SPOCK3: variants seen among roughly 807,000 people sequenced by gnomAD.
SPOCK3 encodes SPARC (osteonectin), cwcv and kazal like domains proteoglycan 3.
SPOCK3 carries 30 observed loss-of-function variants against 56.6 expected under a neutral mutation model. That is an observed-to-expected ratio of 0.53 (90% CI 0.40 to 0.72). The LOEUF is 0.72. Ranked by LOEUF, SPOCK3 falls within the 30% of genes least tolerant of loss-of-function variation. SPOCK3 has a pLI of 0.00. For missense variants in SPOCK3, 527 were observed against 530.0 expected, an observed-to-expected ratio of 0.99 and a Z score of 0.06; for synonymous variants, 196 against 183.3, an observed-to-expected ratio of 1.07 and a Z score of -0.56.
intron 4 of SPOCK3, among the ~76,000 whole-genome samples, chr4:166,948,273 G>A (rs1742038034): frequency 6.6e-6 from 1 of 152,156 alleles, no homozygotes; most frequent in South Asian, 2.1e-4. Flanking sequence ...TGAACACCTA[G>A]ATTGATTCCA....
intron 5 of SPOCK3, among the ~76,000 whole-genome samples, chr4:166,911,045 TG>T (rs1265733396): frequency 1.3e-5 from 2 of 152,294 alleles, no homozygotes; most frequent in Non-Finnish European, 2.9e-5. Flanking sequence ...TCCCTTGTAC[TG>T]GCAACAGGAA....
chr4:167,036,988 T>C (rs1195441539), intron 3 of SPOCK3, among the ~76,000 whole-genome samples: 2 of 152,170 alleles, frequency 1.3e-5, no homozygotes, highest in African/African-American at 4.8e-5. Flanking sequence ...GCCTGAAAGA[T>C]CTTGACCATT....
intron 5 of SPOCK3, among the ~76,000 whole-genome samples, chr4:166,909,158 T>A (rs1366932265): frequency 6.6e-6 from 1 of 152,116 alleles, no homozygotes; most frequent in East Asian, 1.9e-4. Flanking sequence ...TAGTTCCTCA[T>A]CTATTCATTT....
intron 2 of SPOCK3, among the ~76,000 whole-genome samples, chr4:167,205,487 AT>A: frequency 1.8e-5 from 1 of 55,830 alleles, no homozygotes; most frequent in Non-Finnish European, 3.0e-5. Flanking sequence ...TATATAATAT[AT>A]AATATATAAT....
intron 3 of SPOCK3, among the ~76,000 whole-genome samples, chr4:167,058,637 T>C (rs1236193129): frequency 6.6e-6 from 1 of 151,996 alleles, no homozygotes. Context: ...CTTCACAGAA[T>C]TGGAAAAAAC....
At chr4:167,039,875 A>G (rs1753100660) in intron 3 of SPOCK3, among the ~76,000 whole-genome samples, 1 of 152,230 alleles carries the variant, frequency 6.6e-6, no homozygotes, top group Admixed American at 6.5e-5. Flanking sequence ...AGCCTAAATG[A>G]CAGCTTGAAT....
chr4:167,061,327 T>G (rs1433445297), intron 3 of SPOCK3, among the ~76,000 whole-genome samples: 1 of 152,016 alleles, frequency 6.6e-6, no homozygotes, highest in Non-Finnish European at 1.5e-5. Context: ...TTGCCTGTGT[T>G]TTAGAGCATT....
intron 2 of SPOCK3, among the ~76,000 whole-genome samples, chr4:167,159,959 C>T (rs1003388781): frequency 7.2e-5 from 11 of 152,108 alleles, no homozygotes; most frequent in Non-Finnish European, 1.5e-4. Flanking sequence ...AAACTGGAAG[C>T]ATTCCCTTTG....
intron 2 of SPOCK3, among the ~76,000 whole-genome samples, chr4:167,157,485 T>G (rs1280552388): frequency 6.6e-6 from 1 of 151,820 alleles, no homozygotes; most frequent in Non-Finnish European, 1.5e-5. Context: ...TGTAGATTGA[T>G]CAACAGAAAA....
intron 2 of SPOCK3, among the ~76,000 whole-genome samples, chr4:167,083,459 T>C (rs1034719636): frequency 6.6e-6 from 1 of 152,268 alleles, no homozygotes. Flanking sequence ...ATCTACAATA[T>C]AGCTGAGTGT....
At chr4:167,198,620 G>A (rs1733200307) in intron 2 of SPOCK3, among the ~76,000 whole-genome samples, 1 of 152,066 alleles carries the variant, frequency 6.6e-6, no homozygotes, top group Non-Finnish European at 1.5e-5. Flanking sequence ...ATACTTTTTT[G>A]TTAGTTTTTA....
intron 2 of SPOCK3, among the ~76,000 whole-genome samples, chr4:167,223,554 C>T (rs1736284589): frequency 6.6e-6 from 1 of 151,794 alleles, no homozygotes; most frequent in Admixed American, 6.6e-5. Flanking sequence ...CTGGAGAGAG[C>T]CCTGACTGAT....
In SPOCK3 at chr4:167,039,390, G is replaced by T. The variant is rs182135986; in HGVS notation, c.235+23102C>A. 1.4e-3 allele frequency among the ~76,000 whole-genome samples: 206 copies of T among 152,156 alleles called. 2 individuals carry two copies. In the South Asian group the frequency reaches 0.021, roughly 16 times the overall value. ...GGGACATAACTCCATCCACAACACT[G>T]ATCTTACCTTACTTCATAGGTGACA... On this transcript the variant is annotated intron_variant, in intron 3 of 10. Coordinates refer to ENST00000357545, the MANE Select transcript of SPOCK3 (RefSeq NM_001040159.2).
At chr4:167,091,784 A>G (rs1243784699) in intron 2 of SPOCK3, among the ~76,000 whole-genome samples, 1 of 152,124 alleles carries the variant, frequency 6.6e-6, no homozygotes, top group African/African-American at 2.4e-5. Context: ...CCCTCTACTC[A>G]CTTTCTAAAT....
chr4:166,975,779 T>C (rs1424288107), intron 4 of SPOCK3, among the ~76,000 whole-genome samples: 1 of 152,162 alleles, frequency 6.6e-6, no homozygotes, highest in Non-Finnish European at 1.5e-5. Context: ...TGTCTTTCTG[T>C]GCCTGGCTTA....
At chr4:167,014,871 C>T (rs1293271561) in intron 3 of SPOCK3, among the ~76,000 whole-genome samples, 3 of 151,862 alleles carry the variant, frequency 2.0e-5, no homozygotes, top group East Asian at 1.9e-4. Context: ...TCCGCATTCA[C>T]AAAAATGTCT....
chr4:167,095,682 C>A (rs1359404260), intron 2 of SPOCK3, among the ~76,000 whole-genome samples: 1 of 151,792 alleles, frequency 6.6e-6, no homozygotes, highest in East Asian at 1.9e-4. Flanking sequence ...ACTCTGTACT[C>A]ACAAAATTTA....
At chr4:166,915,254 G>A (rs1049323841) in intron 4 of SPOCK3, among the ~76,000 whole-genome samples, 5 of 151,992 alleles carry the variant, frequency 3.3e-5, no homozygotes, top group Admixed American at 1.3e-4. Flanking sequence ...AAACCACCAT[G>A]GCAGGTGTAT....
intron 3 of SPOCK3, among the ~76,000 whole-genome samples, chr4:167,045,274 A>G (rs1454678952): frequency 6.6e-6 from 1 of 151,968 alleles, no homozygotes; most frequent in Non-Finnish European, 1.5e-5. Context: ...TTTAATCTAT[A>G]CGTAGCTTTA....
Sources: gnomAD v4.1 joint callset for allele counts (sites outside exome capture counted in the v4.1 genomes callset) on GRCh38, gnomAD v4.1.1 for gene constraint, MANE v1.5 for transcripts, NCBI Gene and HGNC (gene_info 2026-07-23, HGNC 2026-07-21) for gene names.